FAM53A: variants seen among roughly 807,000 people sequenced by gnomAD.
The protein encoded by FAM53A is protein FAM53A.
FAM53A carries 28 observed loss-of-function variants against 26.6 expected under a neutral mutation model. The observed-to-expected ratio is 1.05, with a 90% CI of 0.78 to 1.45. The LOEUF (loss-of-function observed/expected upper bound fraction) is 1.45, where lower values mean the gene tolerates loss of function less well. Among genes scored for constraint, FAM53A ranks in the 40% most tolerant of loss-of-function variants. FAM53A has a pLI of 0.00. For missense variants in FAM53A, 650 were observed against 575.8 expected (o/e 1.13, Z -1.32); for synonymous variants, 290 against 253.1 (o/e 1.15, Z -1.38).
Position 1,641,386 on chromosome 4 carries a change from G to C in FAM53A, c.1104C>G (p.Ser368Arg), listed in dbSNP as rs762009470. The C allele has an allele frequency of 3.7e-6, 6 of 1,611,074 alleles. No individual in the cohort carries two copies. The South Asian group carries it at 6.6e-5, about 18-fold the overall frequency. Reference protein sequence around the residue: ...SVTSDGSRRSSGDPRDGDSVG... With the variant: ...SVTSDGSRRSRGDPRDGDSVG... Reference sequence around the variant, plus strand: ...CACTGTCCCCATCACGGGGGTCCCCGCTGCTCCTGCGGGAGCCATCACTGG... The same window carrying C: ...CACTGTCCCCATCACGGGGGTCCCCCCTGCTCCTGCGGGAGCCATCACTGG... The change falls in exon 5 of 5, where the codon AGC becomes AGG. Residue 368 changes from serine to arginine, a missense_variant. Physicochemically the swap from Ser to Arg is moderately radical, Grantham distance 110. Transcript: ENST00000308132.
At chr4:1,685,220 T>C (rs1281888192), upstream of FAM53A, among the ~76,000 whole-genome samples, 12 of 152,184 alleles carry the variant, frequency 7.9e-5, no homozygotes, top group Admixed American at 2.0e-4. Context: ...TCAGACCAGA[T>C]GATTTCTCAA....
At chr4:1,578,463 A>T in the FAM53A span, among the ~76,000 whole-genome samples, 18 of 151,652 alleles carry the variant, frequency 1.2e-4, no homozygotes, top group African/African-American at 4.4e-4. Flanking sequence ...TTGGCGTGAG[A>T]GCCGGTGTGG....
rs970644672 is a variant in FAM53A at position 1,630,840 on chromosome 4, C to T, written c.432-12729G>A. Among the ~76,000 whole-genome samples the T allele has an allele frequency of 6.6e-6, 1 of 152,192 alleles. No homozygotes were observed. Among genetic ancestry groups the T allele is most frequent in the Non-Finnish European group, 1.5e-5 (1 of 68,038 alleles). On this transcript the variant is annotated intron_variant, in intron 1 of 1. Transcript: ENST00000489029. The surrounding 1 kb of genome is among the most constrained non-coding windows in gnomAD (Gnocchi z 4.3). ...TGGAACCAGAGAGAGGCGGTGTCTGCACCATCTCACGAATGTACTAAATGC... is the reference window on the plus strand; with the variant it reads ...TGGAACCAGAGAGAGGCGGTGTCTGTACCATCTCACGAATGTACTAAATGC...
chr4:1,604,291 C>T, the FAM53A span, among the ~76,000 whole-genome samples: 2 of 152,290 alleles, frequency 1.3e-5, no homozygotes, highest in African/African-American at 2.4e-5. Flanking sequence ...GTGCAGCGGC[C>T]GGAGTAGAAA....
chr4:1,620,497 C>T (rs1347486917), intron 1 of FAM53A, among the ~76,000 whole-genome samples: 5 of 151,872 alleles, frequency 3.3e-5, no homozygotes, highest in Admixed American at 6.6e-5. Flanking sequence ...CCAACAGGAC[C>T]GTCATCACTA....
chr4:1,626,502 A>C (rs1332335714), intron 1 of FAM53A, among the ~76,000 whole-genome samples: 14 of 143,548 alleles, frequency 9.8e-5, no homozygotes, highest in African/African-American at 1.8e-4. Flanking sequence ...CGGGGGGACC[A>C]GGGGAGGACC....
At chr4:1,683,704 AAC>A (rs1560224214) in intron 1 of FAM53A, 1 of 152,368 alleles carries the variant, frequency 6.6e-6, no homozygotes, top group South Asian at 2.1e-4. Flanking sequence ...GAGGCCACTT[AAC>A]ACAGGCTGCG....
At chr4:1,608,750 C>T in the FAM53A span, among the ~76,000 whole-genome samples, 7 of 152,196 alleles carry the variant, frequency 4.6e-5, no homozygotes, top group Non-Finnish European at 7.3e-5. Flanking sequence ...CATCCCTGCT[C>T]GCCGGAGGGA....
downstream of FAM53A, among the ~76,000 whole-genome samples, chr4:1,615,086 C>T (rs1010836300): frequency 7.8e-6 from 1 of 127,618 alleles, no homozygotes; most frequent in Non-Finnish European, 1.7e-5. Flanking sequence ...AGGCAGGACA[C>T]GACCACGCCC....
intron 1 of FAM53A, among the ~76,000 whole-genome samples, chr4:1,670,072 G>A (rs147712857): frequency 6.6e-6 from 1 of 152,292 alleles, no homozygotes; most frequent in African/African-American, 2.4e-5. Flanking sequence ...CTGGCACGTG[G>A]GAGCCACGTG....
rs142856177 is a variant in FAM53A at position 1,655,049 on chromosome 4, G to A, written c.811C>T (p.Arg271Trp). ...TCCTCCTCACGCCTCCGTTTGCGCC[G>A]GCTCCTCTTCCCACTGAGCACGCAA... ...QPCVLSGKRS[R>W]RKRRREEDAR... Residue 271 changes from arginine (R) to tryptophan (W), a missense_variant, in exon 4 of 5, where the codon CGG (arginine) becomes TGG (tryptophan). Arg to Trp is a moderately radical substitution (Grantham distance 101). Transcript: ENST00000308132. The A allele has an allele frequency of 5.0e-6, 8 of 1,589,050 alleles. No homozygotes were observed. Among genetic ancestry groups the A allele is most frequent in the Admixed American group, 1.7e-5 (1 of 57,180 alleles).
intron 3 of FAM53A, among the ~76,000 whole-genome samples, 186 bp from the exon 4 acceptor site, chr4:1,655,909 T>A (rs1401613305): frequency 1.3e-5 from 2 of 152,126 alleles, no homozygotes; most frequent in African/African-American, 4.8e-5. Context: ...CCTTGCTGGG[T>A]TAGCTGCGGG....
At chr4:1,662,149 T>C (rs1294290617) in intron 2 of FAM53A, among the ~76,000 whole-genome samples, 2 of 151,804 alleles carry the variant, frequency 1.3e-5, no homozygotes, top group African/African-American at 2.4e-5. Context: ...GGAAACACAG[T>C]GAGACCCCCT....
At chr4:1,648,538 G>T (rs1349622067) in intron 4 of FAM53A, among the ~76,000 whole-genome samples, 2 of 152,146 alleles carry the variant, frequency 1.3e-5, no homozygotes, top group East Asian at 3.9e-4. Context: ...GACACTGCCT[G>T]TCTCCTCAGG....
intron 1 of FAM53A, among the ~76,000 whole-genome samples, chr4:1,626,554 C>CG (rs1052629070): frequency 4.7e-5 from 7 of 148,486 alleles, no homozygotes; most frequent in Admixed American, 3.3e-4. Flanking sequence ...GCCCTGAGCC[C>CG]GGGGGGACCC....
the FAM53A span, among the ~76,000 whole-genome samples, chr4:1,580,468 G>A: frequency 2.0e-5 from 3 of 152,158 alleles, no homozygotes; most frequent in Admixed American, 6.5e-5. Flanking sequence ...ACAAGCTAGG[G>A]AGAAAGCATC....
intron 1 of FAM53A, among the ~76,000 whole-genome samples, chr4:1,624,972 C>A (rs112097041): frequency 3.6e-5 from 5 of 139,510 alleles, no homozygotes; most frequent in Non-Finnish European, 7.6e-5. Flanking sequence ...TCCCGGCCCA[C>A]GTGGTCAGGG....
rs574102929 is a variant in FAM53A at position 1,621,101 on chromosome 4, C to CTTTT, written c.432-2994_432-2991dup. 1.3e-4 allele frequency among the ~76,000 whole-genome samples: 12 copies of CTTTT among 95,520 alleles called. 1 individual carries two copies. Among genetic ancestry groups the CTTTT allele is most frequent in the East Asian group, 3.2e-4 (1 of 3,160 alleles). 62.7% of individuals were successfully genotyped at this position (95,520 alleles called of 152,430 possible). A position where few individuals can be genotyped will look rare whatever the true frequency, so the allele number is the denominator to read the frequency against. ...TTTCCTAGCTGAGTCAGCTACGCTA[C>CTTTT]TTTTTTTTTTTTTTTTTTTTTGAGA... On this transcript the variant is annotated intron_variant, in intron 1 of 1. Coordinates refer to the FAM53A transcript ENST00000489029.
chr4:1,663,976 C>A (rs749828733), intron 2 of FAM53A, among the ~76,000 whole-genome samples: 1 of 152,188 alleles, frequency 6.6e-6, no homozygotes, highest in African/African-American at 2.4e-5. Context: ...GGGGAGCGCA[C>A]GAGGCGGCAG....
Sources: gnomAD v4.1 joint callset for allele counts (sites outside exome capture counted in the v4.1 genomes callset) on GRCh38, gnomAD v4.1.1 for gene constraint, Gnocchi (gnomAD v3.1) non-coding constraint, MANE v1.5 for transcripts, NCBI Gene and HGNC (gene_info 2026-07-23, HGNC 2026-07-21) for gene names.